The following ASB18 variants were observed in gnomAD, a reference collection of about 807,000 sequenced individuals.
ASB18 encodes the protein ankyrin repeat and SOCS box protein 18.
In ASB18, 33 loss-of-function variants were observed where a neutral mutation model predicts 33.4. That is an observed-to-expected ratio of 0.99 (90% CI 0.75 to 1.32). ASB18 has a LOEUF of 1.32. Ranked by LOEUF, ASB18 falls within the 40% of genes most tolerant of loss-of-function variation. ASB18 has a pLI of 0.00. For missense variants in ASB18, 694 were observed against 655.5 expected, an observed-to-expected ratio of 1.06 and a Z score of -0.64; for synonymous variants, 295 against 307.6, an observed-to-expected ratio of 0.96 and a Z score of 0.43.
In ASB18 at chr2:236,255,162, G is replaced by C. The variant is rs1409764432; in HGVS notation, c.205+8979C>G. ...TTCTTTTTCTTTTTTTTCTTTCTTT[G>C]AGACGGAGTCTCATTCTGTCGCCCA... is the stretch of plus-strand genomic sequence containing the variant. On this transcript the variant is annotated intron_variant, in intron 1 of 5. Transcript: ENST00000409749. This position sits in a 1 kb window ranked among gnomAD's most constrained non-coding sequence, Gnocchi z 4.4. Among the ~76,000 whole-genome samples the C allele has an allele frequency of 6.6e-6, 1 of 151,500 alleles. No individual in the cohort carries two copies. The highest frequency in any genetic ancestry group is 2.4e-5 in the African/African-American group (1 of 41,210).
chr2:236,236,353 G>A (rs1459460029), intron 3 of ASB18, among the ~76,000 whole-genome samples: 1 of 152,158 alleles, frequency 6.6e-6, no homozygotes, highest in Non-Finnish European at 1.5e-5. Context: ...GAAAGCAGAT[G>A]CTAGGGATGG....
At position 236,215,086 on chromosome 2, in the gene ASB18, T is replaced by TATG. The variant is rs1301784814; in HGVS notation, c.597-223_597-221dup. Among the ~76,000 whole-genome samples, 5 of 149,832 alleles carry TATG rather than the reference T, an allele frequency of 3.3e-5. No homozygotes were observed. Among genetic ancestry groups the TATG allele is most frequent in the Non-Finnish European group, 5.9e-5 (4 of 67,718 alleles). The stretch of plus-strand genomic sequence containing the variant: ...CCTGAGTGGTGTAAATAGCAAAGGA[T>TATG]ATGCCATAAGAATCCACGTGCAGAG... On this transcript the variant is annotated intron_variant, in intron 3 of 5. Transcript: ENST00000409749. The surrounding 1 kb of genome is among the most constrained non-coding windows in gnomAD (Gnocchi z 7.2).
rs915871258 is a variant in ASB18, at chr2:236,231,169, T to G, written c.596+6520A>C. 6.6e-6 allele frequency among the ~76,000 whole-genome samples: 1 copy of G among 152,158 alleles called. No homozygotes were observed. Among genetic ancestry groups the G allele is most frequent in the Non-Finnish European group, 1.5e-5 (1 of 68,036 alleles). ...GGTGACAGGAGGTTGTTTTGGTGAA[T>G]AAATTACAGAAGATTGTAAATTCCA... On this transcript the variant is annotated intron_variant, in intron 3 of 5. Transcript: ENST00000409749. The surrounding 1 kb of genome is among the most constrained non-coding windows in gnomAD (Gnocchi z 5.5).
In ASB18 at chr2:236,208,491, C is replaced by T. The variant is rs181087701; in HGVS notation, c.1101+5871G>A. Among the ~76,000 whole-genome samples the T allele has an allele frequency of 6.2e-4, 95 of 152,306 alleles. No homozygotes were observed. The highest frequency in any genetic ancestry group is 1.2e-3 in the Non-Finnish European group (80 of 68,030). ...CTTGCTCACTGCAAACCTCCAGCGA[C>T]CCTCCCACTGGCCCTGTCACTTCTC... On this transcript the variant is annotated intron_variant, in intron 4 of 5. Coordinates refer to ENST00000409749, the MANE Select transcript of ASB18 (RefSeq NM_212556.4). The surrounding 1 kb of genome is among the most constrained non-coding windows in gnomAD (Gnocchi z 7.7).
At position 236,241,133 on chromosome 2, in the gene ASB18, T is replaced by C; in HGVS notation, c.328+147A>G. 1 of 815,416 alleles carries C rather than the reference T, an allele frequency of 1.2e-6. No individual in the cohort carries two copies. The highest frequency in any genetic ancestry group is 3.7e-4 in the Middle Eastern group (1 of 2,676). 50.5% of individuals were successfully genotyped at this position (815,416 alleles called of 1,614,324 possible). On this transcript the variant is annotated intron_variant, in intron 2 of 5. Coordinates refer to ENST00000409749, the MANE Select transcript of ASB18 (RefSeq NM_212556.4). This position sits in a 1 kb window ranked among gnomAD's most constrained non-coding sequence, Gnocchi z 4.2. ...CCATCACCTAAAACCTACACTTTACTGCGAGCAAACTTCATCAGATGTCCT... is the reference window on the plus strand; with the variant it reads ...CCATCACCTAAAACCTACACTTTACCGCGAGCAAACTTCATCAGATGTCCT...
In ASB18 at chr2:236,194,068, T is replaced by TATGAATGAATGAATGAATGA. The variant is rs148040196; in HGVS notation, c.*784_*803dup. 1.3e-5 allele frequency among the ~76,000 whole-genome samples: 2 copies of TATGAATGAATGAATGAATGA among 151,718 alleles called. No homozygotes were observed. The highest frequency in any genetic ancestry group is 4.9e-5 in the African/African-American group (2 of 41,044). On this transcript the variant is annotated 3_prime_UTR_variant, in exon 6 of 6. Coordinates refer to ENST00000409749, the MANE Select transcript of ASB18 (RefSeq NM_212556.4). The surrounding 1 kb of genome is among the most constrained non-coding windows in gnomAD (Gnocchi z 4.5). The stretch of plus-strand genomic sequence containing the variant: ...CTGAACTAGAATAAGCACATTAGAA[T>TATGAATGAATGAATGAATGA]ATGAATGAATGAATGAATGAATGAA...
In ASB18 at chr2:236,196,450, G is replaced by T; in HGVS notation, c.1102-65C>A. On this transcript the variant is annotated intron_variant, in intron 4 of 5. Coordinates refer to ENST00000409749, the MANE Select transcript of ASB18 (RefSeq NM_212556.4). The surrounding 1 kb of genome is among the most constrained non-coding windows in gnomAD (Gnocchi z 5.6). ...GGTTCTGGGTCTCAGTGGGGAAAGG[G>T]TGGGGGGTGTGGGGGGATGCTCTCC... 1 of 823,390 alleles carries T rather than the reference G, an allele frequency of 1.2e-6. No homozygotes were observed. Among genetic ancestry groups the T allele is most frequent in the South Asian group, 1.5e-5 (1 of 66,556 alleles). The allele number at this position is 823,390 out of a possible 1,614,324, so 51.0% of individuals were successfully genotyped here.
chr2:236,261,742 G>A (rs1262765884), intron 1 of ASB18, among the ~76,000 whole-genome samples: 1 of 152,182 alleles, frequency 6.6e-6, no homozygotes, highest in African/African-American at 2.4e-5. Flanking sequence ...AAGACAATGA[G>A]GTTTAACGGA....
intron 3 of ASB18, among the ~76,000 whole-genome samples, chr2:236,236,366 A>G (rs1016444295): frequency 6.6e-6 from 1 of 152,168 alleles, no homozygotes; most frequent in Non-Finnish European, 1.5e-5. Context: ...AGGGATGGAG[A>G]GTGAGAAAGG....
chr2:236,206,795 G>C (rs938007178), intron 4 of ASB18, among the ~76,000 whole-genome samples: 4 of 152,194 alleles, frequency 2.6e-5, no homozygotes, highest in African/African-American at 9.7e-5. Context: ...AAGTAGCCTA[G>C]AGATTAGCGA....
In ASB18 at chr2:236,220,871, G is replaced by GT. The variant is rs1191029361; in HGVS notation, c.597-6006dup. On this transcript the variant is annotated intron_variant, in intron 3 of 5. Coordinates refer to ENST00000409749, the MANE Select transcript of ASB18 (RefSeq NM_212556.4). This position sits in a 1 kb window ranked among gnomAD's most constrained non-coding sequence, Gnocchi z 5.1. ...GAACATGTGCCATGCTCCTTTCGAG[G>GT]TAAGGAGAAGTGTTTCTCCTCTTAT... 6.6e-6 allele frequency among the ~76,000 whole-genome samples: 1 copy of GT among 152,166 alleles called. No homozygotes were observed. The highest frequency in any genetic ancestry group is 2.4e-5 in the African/African-American group (1 of 41,430).
rs1463779183 is a variant in ASB18, at chr2:236,259,638, G to A, written c.205+4503C>T. ...GTGCAGCCCTGGCTGGGAGGATCCT[G>A]TTGGGATGGGGATGCTGACTGTAGA... is the stretch of plus-strand genomic sequence containing the variant. On this transcript the variant is annotated intron_variant, in intron 1 of 5. Transcript: ENST00000409749. This position sits in a 1 kb window ranked among gnomAD's most constrained non-coding sequence, Gnocchi z 4.4. 1 of 468,756 alleles carries A rather than the reference G, an allele frequency of 2.1e-6. No homozygotes were observed. The highest frequency in any genetic ancestry group is 2.4e-5 in the Admixed American group (1 of 42,492). 29.0% of individuals were successfully genotyped at this position (468,756 alleles called of 1,614,324 possible). A position where few individuals can be genotyped will look rare whatever the true frequency, so the allele number is the denominator to read the frequency against.
At chr2:236,240,865 C>T (rs1291839332) in intron 2 of ASB18, among the ~76,000 whole-genome samples, 2 of 152,170 alleles carry the variant, frequency 1.3e-5, no homozygotes, top group African/African-American at 4.8e-5. Flanking sequence ...CCTGCTGTAG[C>T]TGTGGCATTT....
rs1399531443 is a variant in ASB18, at chr2:236,228,256, T to A, written c.596+9433A>T. Among the ~76,000 whole-genome samples the A allele has an allele frequency of 6.6e-6, 1 of 152,184 alleles. No homozygotes were observed. The highest frequency in any genetic ancestry group is 1.5e-5 in the Non-Finnish European group (1 of 68,024). On this transcript the variant is annotated intron_variant, in intron 3 of 5. Transcript: ENST00000409749. The surrounding 1 kb of genome is among the most constrained non-coding windows in gnomAD (Gnocchi z 5.1). ...CAAGGTTGGAACTTACTCCCCAATATGATTGGCAGTATTGGATTTCTCAAC... is the reference window on the plus strand; with the variant it reads ...CAAGGTTGGAACTTACTCCCCAATAAGATTGGCAGTATTGGATTTCTCAAC...
Position 236,225,817 on chromosome 2 carries a change from G to A in ASB18, c.597-10951C>T, listed in dbSNP as rs1312798255. Among the ~76,000 whole-genome samples, 2 of 151,390 alleles carry A rather than the reference G, an allele frequency of 1.3e-5. No individual in the cohort carries two copies. Among genetic ancestry groups the A allele is most frequent in the Non-Finnish European group, 2.9e-5 (2 of 67,934 alleles). ...AGGTAATTTTTTTTTTTTAATCCCA[G>A]GAACTCAGAGACTCAAAGGTTTTAA... On this transcript the variant is annotated intron_variant, in intron 3 of 5. Coordinates refer to ENST00000409749, the MANE Select transcript of ASB18 (RefSeq NM_212556.4). The surrounding 1 kb of genome is among the most constrained non-coding windows in gnomAD (Gnocchi z 5.1).
In ASB18 at chr2:236,215,074, A is replaced by C. The variant is rs1351257958; in HGVS notation, c.597-208T>G. On this transcript the variant is annotated intron_variant, in intron 3 of 5. Transcript: ENST00000409749. The surrounding 1 kb of genome is among the most constrained non-coding windows in gnomAD (Gnocchi z 7.2). ...GCAAAACCAGCTCCTGAGTGGTGTAAATAGCAAAGGATATGCCATAAGAAT... is the reference window on the plus strand; with the variant it reads ...GCAAAACCAGCTCCTGAGTGGTGTACATAGCAAAGGATATGCCATAAGAAT... Among the ~76,000 whole-genome samples the C allele has an allele frequency of 6.6e-6, 1 of 152,074 alleles. No homozygotes were observed. Among genetic ancestry groups the C allele is most frequent in the East Asian group, 1.9e-4 (1 of 5,188 alleles).
Position 236,223,188 on chromosome 2 carries a change from CT to C in ASB18, c.597-8323del, listed in dbSNP as rs892182772. ...CCTGCAGAACTGTGAGCCAATTAAGCTTTTTTTCTTATAACTTTCACAGTGT... is the reference window on the plus strand; with the variant it reads ...CCTGCAGAACTGTGAGCCAATTAAGCTTTTTTCTTATAACTTTCACAGTGT... On this transcript the variant is annotated intron_variant, in intron 3 of 5. Coordinates refer to ENST00000409749, the MANE Select transcript of ASB18 (RefSeq NM_212556.4). The surrounding 1 kb of genome is among the most constrained non-coding windows in gnomAD (Gnocchi z 4.6). 6.6e-6 allele frequency among the ~76,000 whole-genome samples: 1 copy of C among 152,200 alleles called. No individual in the cohort carries two copies. Among genetic ancestry groups the C allele is most frequent in the Admixed American group, 6.5e-5 (1 of 15,278 alleles).
intron 4 of ASB18, among the ~76,000 whole-genome samples, chr2:236,199,585 A>G (rs1031171370): frequency 6.6e-6 from 1 of 151,256 alleles, no homozygotes; most frequent in African/African-American, 2.4e-5. Flanking sequence ...TATATACTAG[A>G]TCAGGCTAGA....
intron 1 of ASB18, among the ~76,000 whole-genome samples, chr2:236,242,323 T>C (rs2060624720): frequency 6.6e-6 from 1 of 152,158 alleles, no homozygotes. Context: ...GCCTCTTGGC[T>C]GCCCAGGATT....
Sources: allele counts gnomAD v4.1 joint callset (sites outside exome capture counted in the v4.1 genomes callset), GRCh38; gene constraint gnomAD v4.1.1; non-coding constraint Gnocchi (gnomAD v3.1); transcripts MANE v1.5; gene names NCBI Gene and HGNC (gene_info 2026-07-23, HGNC 2026-07-21).